TECTA: variants seen among roughly 807,000 people sequenced by gnomAD.
The protein encoded by TECTA is tectorin alpha, also known as alpha-tectorin.
A neutral mutation model predicts 216.8 loss-of-function variants in TECTA; 128 were observed. That is an observed-to-expected ratio of 0.59 (90% CI 0.51 to 0.68). TECTA has a LOEUF of 0.68. TECTA is among the 30% of genes least tolerant of loss of function. TECTA has a pLI of 0.00. For missense variants in TECTA, 2,551 were observed against 2,786.2 expected, an observed-to-expected ratio of 0.92 and a Z score of 1.90; for synonymous variants, 1,089 against 1,117.1, an observed-to-expected ratio of 0.97 and a Z score of 0.50.
intron 10 of TECTA, 93 bp from the exon 11 acceptor site, chr11:121,137,328 A>G: frequency 6.5e-7 from 1 of 1,537,386 alleles, no homozygotes; most frequent in Non-Finnish European, 9.0e-7. Context: ...ACTCACAAAC[A>G]CACATGCACT....
chr11:121,189,249 G>A, intron 22 of TECTA, 82 bp downstream of exon 22: 1 of 1,412,032 alleles, frequency 7.1e-7, no homozygotes, highest in Non-Finnish European at 1.0e-6. Flanking sequence ...CTCTGATGTG[G>A]GTCCAGTGGA....
At chr11:121,120,147 T>C (rs1323198614) in intron 7 of TECTA, among the ~76,000 whole-genome samples, 1 of 152,072 alleles carries the variant, frequency 6.6e-6, no homozygotes, top group Non-Finnish European at 1.5e-5. Flanking sequence ...AATTCTTTTT[T>C]ATTCTCAGTC....
At position 121,129,716 on chromosome 11, in the gene TECTA, A is replaced by G; in HGVS notation, c.2446A>G (p.Thr816Ala). ...LEIYRNKNST[T>A]VESKGVVTVQ... ...AATTTATCGAAACAAAAACAGTACG[A>G]CAGTGGAGTCCAAGGGCGTGGTGAC... Residue 816 changes from threonine (T) to alanine (A), a missense_variant, in exon 10 of 24, where the codon ACA becomes GCA. Transcript: ENST00000392793. The G allele has an allele frequency of 6.2e-7, 1 of 1,614,216 alleles. No individual in the cohort carries two copies. Among genetic ancestry groups the G allele is most frequent in the Non-Finnish European group, 8.5e-7 (1 of 1,180,032 alleles).
chr11:121,168,470 G>A (rs1947078080), intron 19 of TECTA: 1 of 892,188 alleles, frequency 1.1e-6, no homozygotes, highest in Non-Finnish European at 1.7e-6. Context: ...GGGGGCTGCG[G>A]AATTGAATTT....
At position 121,153,176 on chromosome 11, in the gene TECTA, A is replaced by G. The variant is rs1179182547; in HGVS notation, c.4305+96A>G. The G allele has an allele frequency of 2.8e-6, 4 of 1,421,872 alleles. No individual in the cohort carries two copies. In the Admixed American group the frequency reaches 5.9e-5, roughly 21 times the overall value. The allele number at this position is 1,421,872 out of a possible 1,614,324, so 88.1% of individuals were successfully genotyped here. ...TCAGATTGACCAATTTTCCCACTTC[A>G]TTATGAAGAGCGTCGTGTTCGTGGC... On this transcript the variant is annotated intron_variant, in intron 13 of 23. Transcript: ENST00000392793.
At chr11:121,129,604 C>G in intron 9 of TECTA, 34 bp from the exon 10 acceptor site, 2 of 1,606,454 alleles carry the variant, frequency 1.2e-6, no homozygotes, top group Non-Finnish European at 1.7e-6. Context: ...CTCTGTGTGT[C>G]TCTGGAATTG....
At chr11:121,164,375 G>T (rs1035993294) in intron 16 of TECTA, among the ~76,000 whole-genome samples, 22 of 152,134 alleles carry the variant, frequency 1.4e-4, no homozygotes, top group Non-Finnish European at 3.1e-4. Flanking sequence ...TTGAACAGTT[G>T]TTTCTTTAGC....
intron 16 of TECTA, 115 bp from the exon 17 acceptor site, chr11:121,165,158 G>T (rs1947038618): frequency 1.0e-6 from 1 of 977,642 alleles, no homozygotes; most frequent in Non-Finnish European, 1.6e-6. Flanking sequence ...ACTGGCAGCT[G>T]CCATCTGACC....
At chr11:121,122,804 G>A (rs187404484) in intron 7 of TECTA, among the ~76,000 whole-genome samples, 1 of 151,370 alleles carries the variant, frequency 6.6e-6, no homozygotes, top group East Asian at 1.9e-4. Flanking sequence ...AGTGAGCCAC[G>A]TTTGTGCCAC....
chr11:121,119,301 C>T (rs1254436725), intron 7 of TECTA, among the ~76,000 whole-genome samples: 1 of 152,098 alleles, frequency 6.6e-6, no homozygotes, highest in African/African-American at 2.4e-5. Flanking sequence ...TTGGTGACTT[C>T]CTTAGTGAGG....
chr11:121,187,581 C>T (rs1349012239), intron 20 of TECTA, among the ~76,000 whole-genome samples: 2 of 152,150 alleles, frequency 1.3e-5, no homozygotes, highest in South Asian at 2.1e-4. Flanking sequence ...TCCCTGCAGT[C>T]GTTTTGTTTT....
At chr11:121,178,975 CT>C (rs1255568696) in intron 20 of TECTA, among the ~76,000 whole-genome samples, 1 of 152,024 alleles carries the variant, frequency 6.6e-6, no homozygotes, top group African/African-American at 2.4e-5. Context: ...GGTTTTCTCT[CT>C]TTTTTCCCCT....
chr11:121,111,314 A>G (rs913724514), intron 4 of TECTA, among the ~76,000 whole-genome samples: 6 of 152,224 alleles, frequency 3.9e-5, no homozygotes, highest in Non-Finnish European at 1.5e-5. Context: ...ATAGGATTCA[A>G]ATCTCCTAGG....
chr11:121,106,114 T>C lies in TECTA; in HGVS notation c.198+150T>C, dbSNP rs1946388294. 24 of 1,239,944 alleles carry C rather than the reference T, an allele frequency of 1.9e-5. No homozygotes were observed. The South Asian group carries it at 2.7e-4, about 14-fold the overall frequency. 76.8% of individuals were successfully genotyped at this position (1,239,944 alleles called of 1,614,324 possible). On this transcript the variant is annotated intron_variant, in intron 3 of 23. Transcript: ENST00000392793. ...CAAGTTCTGAGATTTCATGAGCTGATAGGTTTTATGAATAAGAAAGTCAAA... is the reference window on the plus strand; with the variant it reads ...CAAGTTCTGAGATTTCATGAGCTGACAGGTTTTATGAATAAGAAAGTCAAA...
At position 121,157,980 on chromosome 11, in the gene TECTA, C is replaced by G. The variant is rs778481265; in HGVS notation, c.4445C>G (p.Thr1482Ser). 1 of 1,613,426 alleles carries G rather than the reference C, an allele frequency of 6.2e-7. No homozygotes were observed. Among genetic ancestry groups the G allele is most frequent in the South Asian group, 1.1e-5 (1 of 91,080 alleles). ...AACGGGGTGCGCGGCTGCTTCAGCA[C>G]CAAGACCTCCTACTGCCTGGCGGCC... ...LRNGVRGCFS[T>S]KTSYCLAAGG... is the part of the protein sequence containing the mutation. The change falls in exon 14 of 24, where the codon ACC becomes AGC. Residue 1482 changes from threonine to serine, a missense_variant. Physicochemically the swap from Thr to Ser is moderately conservative, Grantham distance 58. Around this residue, in one of 3 missense-constraint regions of TECTA, gnomAD observed 2,375 missense variants for 2,563.9 expected, o/e 0.93. Transcript: ENST00000392793.
At chr11:121,118,806 C>G (rs1946527109) in intron 7 of TECTA, 88 bp downstream of exon 7, 1 of 1,512,022 alleles carries the variant, frequency 6.6e-7, no homozygotes, top group South Asian at 1.1e-5. Context: ...ACTGGTTCTG[C>G]TGTTTGTCTC....
At chr11:121,147,704 G>A (rs190879106) in intron 12 of TECTA, among the ~76,000 whole-genome samples, 8 of 152,298 alleles carry the variant, frequency 5.3e-5, no homozygotes, top group Admixed American at 3.3e-4. Flanking sequence ...TGGGGAAGCT[G>A]TTTTGGAAGG....
intron 7 of TECTA, among the ~76,000 whole-genome samples, chr11:121,120,012 G>C (rs1946540925): frequency 6.6e-6 from 1 of 152,150 alleles, no homozygotes; most frequent in African/African-American, 2.4e-5. Context: ...GATAGATGCT[G>C]GCATTTCAAG....
At chr11:121,160,037 G>A in intron 14 of TECTA, 98 bp from the exon 15 acceptor site, 1 of 1,422,968 alleles carries the variant, frequency 7.0e-7, no homozygotes, top group African/African-American at 1.4e-5. Flanking sequence ...AGATCACAGG[G>A]CCTGCGACAC....
Sources: gnomAD v4.1 joint callset for allele counts (sites outside exome capture counted in the v4.1 genomes callset) on GRCh38, gnomAD v4.1.1 for gene constraint, gnomAD v4.1.1 regional missense constraint, MANE v1.5 for transcripts, NCBI Gene and HGNC (gene_info 2026-07-23, HGNC 2026-07-21) for gene names.